BCAR3: variants seen among roughly 807,000 people sequenced by gnomAD.
BCAR3 encodes the protein BCAR3 adaptor protein, NSP family member.
BCAR3 carries 37 observed loss-of-function variants against 80.1 expected under a neutral mutation model. That is an observed-to-expected ratio of 0.46 (90% CI 0.36 to 0.61). The LOEUF (loss-of-function observed/expected upper bound fraction) is 0.61, where lower values mean the gene tolerates loss of function less well. Ranked by LOEUF, BCAR3 falls within the 20% of genes least tolerant of loss-of-function variation. The pLI is 0.00. For synonymous variants in BCAR3, 389 were observed against 418.9 expected (o/e 0.93, Z 0.87); for missense variants, 978 against 1,068.2 (o/e 0.92, Z 1.18).
At chr1:93,579,938 C>T (rs1428786593) in intron 7 of BCAR3, among the ~76,000 whole-genome samples, 3 of 152,212 alleles carry the variant, frequency 2.0e-5, no homozygotes, top group Non-Finnish European at 2.9e-5. Context: ...AAGTGAGGTC[C>T]GGATAACTTC....
At chr1:93,698,890 T>C (rs2101970619) in intron 3 of BCAR3, among the ~76,000 whole-genome samples, 1 of 152,322 alleles carries the variant, frequency 6.6e-6, no homozygotes, top group East Asian at 1.9e-4. Flanking sequence ...CAGGAGCTTC[T>C]AGGAAGATTA....
intron 7 of BCAR3, among the ~76,000 whole-genome samples, chr1:93,581,411 ATT>A (rs201034104): frequency 1.1e-4 from 16 of 144,278 alleles, no homozygotes; most frequent in African/African-American, 3.0e-4. Flanking sequence ...GTATTTTAGA[ATT>A]TTTTTTTTTT....
At chr1:93,841,934 C>A (rs1464622596) in intron 2 of BCAR3, among the ~76,000 whole-genome samples, 2 of 152,180 alleles carry the variant, frequency 1.3e-5, no homozygotes, top group Non-Finnish European at 2.9e-5. Context: ...TTCCTCATAA[C>A]TCCTGAGTCT....
At chr1:93,845,507 T>TATCATG (rs1557708608) in intron 2 of BCAR3, 1 of 116,428 alleles carries the variant, frequency 8.6e-6, no homozygotes, top group Admixed American at 9.0e-5. Flanking sequence ...TATATAAAAC[T>TATCATG]TTGTTTACAT....
chr1:93,649,460 T>C (rs1676253565), intron 2 of BCAR3, among the ~76,000 whole-genome samples: 1 of 151,174 alleles, frequency 6.6e-6, no homozygotes, highest in Non-Finnish European at 1.5e-5. Flanking sequence ...CAAAGAGAAC[T>C]AGCTTAGGAA....
At chr1:93,759,986 C>T (rs1651879794) in intron 2 of BCAR3, among the ~76,000 whole-genome samples, 1 of 152,124 alleles carries the variant, frequency 6.6e-6, no homozygotes, top group African/African-American at 2.4e-5. Flanking sequence ...TAAACTGGAC[C>T]TATCCAGTGA....
intron 2 of BCAR3, among the ~76,000 whole-genome samples, chr1:93,647,078 A>C (rs1676167486): frequency 6.6e-6 from 1 of 152,272 alleles, no homozygotes; most frequent in Admixed American, 6.5e-5. Flanking sequence ...ATTAAAGGTA[A>C]AATATCTTTG....
chr1:93,828,321 A>G (rs745421695), intron 2 of BCAR3, among the ~76,000 whole-genome samples: 1 of 152,088 alleles, frequency 6.6e-6, no homozygotes, highest in Non-Finnish European at 1.5e-5. Context: ...AAATATCATA[A>G]TTCCTCTTCC....
chr1:93,605,509 A>C (rs955822435), intron 3 of BCAR3: 1 of 152,244 alleles, frequency 6.6e-6, no homozygotes. Flanking sequence ...AACATCTTTA[A>C]AGAATGAAAA....
chr1:93,834,840 T>C (rs1654708213), intron 2 of BCAR3, among the ~76,000 whole-genome samples: 1 of 152,228 alleles, frequency 6.6e-6, no homozygotes, highest in African/African-American at 2.4e-5. Context: ...GACTTCAATC[T>C]GGCCTTCCAC....
chr1:93,810,722 G>A (rs1653812738), intron 2 of BCAR3, among the ~76,000 whole-genome samples: 1 of 152,166 alleles, frequency 6.6e-6, no homozygotes, highest in Admixed American at 6.5e-5. Flanking sequence ...TGCAAATACT[G>A]TCCAAAGCTC....
At chr1:93,836,524 T>C (rs1315208468) in intron 2 of BCAR3, among the ~76,000 whole-genome samples, 1 of 152,090 alleles carries the variant, frequency 6.6e-6, no homozygotes, top group Non-Finnish European at 1.5e-5. Flanking sequence ...GCTTAATCTC[T>C]CCCACTCTAA....
At chr1:93,598,173 T>A (rs1436791004) in intron 3 of BCAR3, among the ~76,000 whole-genome samples, 2 of 152,120 alleles carry the variant, frequency 1.3e-5, no homozygotes, top group African/African-American at 4.8e-5. Context: ...GTCTCCTGCG[T>A]GAGCATCAGA....
At chr1:93,848,133 G>T (rs530776627), upstream of BCAR3, 5 of 152,862 alleles carry the variant, frequency 3.3e-5, no homozygotes, top group African/African-American at 1.2e-4. Context: ...GAATCCCAGC[G>T]GGAGCCCGTC....
At chr1:93,668,969 C>T (rs1406324412) in intron 2 of BCAR3, among the ~76,000 whole-genome samples, 1 of 152,208 alleles carries the variant, frequency 6.6e-6, no homozygotes, top group African/African-American at 2.4e-5. Context: ...GCCTCAGCCT[C>T]CCAAAGTGCT....
intron 7 of BCAR3, among the ~76,000 whole-genome samples, chr1:93,579,647 G>A (rs1673618936): frequency 1.3e-5 from 2 of 152,282 alleles, no homozygotes; most frequent in South Asian, 2.1e-4. Context: ...TGCCAAGGGC[G>A]GGCAGGCAGG....
intron 2 of BCAR3, among the ~76,000 whole-genome samples, chr1:93,776,739 T>C (rs1030213236): frequency 9.8e-5 from 15 of 152,310 alleles, no homozygotes; most frequent in African/African-American, 3.6e-4. Context: ...GGTAGGTAGA[T>C]CTAGACTTAC....
intron 2 of BCAR3, among the ~76,000 whole-genome samples, chr1:93,750,983 T>C (rs115024348): frequency 0.018 from 2,804 of 152,308 alleles, 82 homozygotes; most frequent in African/African-American, 0.064. Context: ...AAATTTGTGC[T>C]GTGTGTGATG....
At chr1:93,668,513 C>T (rs568654751) in intron 2 of BCAR3, among the ~76,000 whole-genome samples, 1 of 152,252 alleles carries the variant, frequency 6.6e-6, no homozygotes, top group East Asian at 1.9e-4. Flanking sequence ...AAACCATTCG[C>T]AACAGCTGCG....
Sources: allele counts gnomAD v4.1 joint callset (sites outside exome capture counted in the v4.1 genomes callset), GRCh38; gene constraint gnomAD v4.1.1; transcripts MANE v1.5; gene names NCBI Gene and HGNC (gene_info 2026-07-23, HGNC 2026-07-21).